BOLL: variants seen among roughly 807,000 people sequenced by gnomAD.
The protein encoded by BOLL is protein boule-like.
Under a neutral mutation model 44.4 loss-of-function variants are expected in BOLL, and 23 were observed. That is an observed-to-expected ratio of 0.52 (90% CI 0.37 to 0.73). The LOEUF (loss-of-function observed/expected upper bound fraction) is 0.73. Ranked by LOEUF, BOLL falls within the 30% of genes least tolerant of loss-of-function variation. The probability of loss-of-function intolerance (pLI) is 0.00; values close to 1 mark genes in which losing one functional copy is unlikely to be tolerated. For missense variants in BOLL, 287 were observed against 338.3 expected (o/e 0.85, Z 1.19); for synonymous variants, 97 against 110.8 (o/e 0.88, Z 0.78).
Position 197,781,711 on chromosome 2 carries a change from T to G in BOLL, c.129+11A>C. On this transcript the variant is annotated intron_variant, in intron 2 of 10. Coordinates refer to ENST00000392296, the MANE Select transcript of BOLL (RefSeq NM_033030.6). ...GAAAAAATACACTTTACTGCATGCA[T>G]AAATAGGTACCTTAAAATCAATTCC... 6.5e-7 allele frequency: 1 copy of G among 1,528,714 alleles called. No individual in the cohort carries two copies. Among genetic ancestry groups the G allele is most frequent in the African/African-American group, 1.4e-5 (1 of 73,884 alleles). The allele number at this position is 1,528,714 out of a possible 1,614,324, so 94.7% of individuals were successfully genotyped here.
intron 9 of BOLL, among the ~76,000 whole-genome samples, chr2:197,744,447 C>G (rs961155555): frequency 6.6e-6 from 1 of 152,116 alleles, no homozygotes; most frequent in African/African-American, 2.4e-5. Context: ...TACAATGTCT[C>G]TGAGAGGTCA....
At position 197,727,877 on chromosome 2, in the gene BOLL, G is replaced by A. The variant is rs1248484895; in HGVS notation, c.*678C>T. On this transcript the variant is annotated 3_prime_UTR_variant, in exon 11 of 11. Coordinates refer to ENST00000392296, the MANE Select transcript of BOLL (RefSeq NM_033030.6). The stretch of plus-strand genomic sequence containing the variant: ...AAAATTTAATATAGTCAAATTACAT[G>A]AAAAGGCAAGAATACTGATCATGTT... 1 of 152,194 alleles carries A rather than the reference G, an allele frequency of 6.6e-6. No individual in the cohort carries two copies. The highest frequency in any genetic ancestry group is 2.4e-5 in the African/African-American group (1 of 41,414). The allele number at this position is 152,194 out of a possible 1,614,324, so 9.4% of individuals were successfully genotyped here. A position where few individuals can be genotyped will look rare whatever the true frequency, so the allele number is the denominator to read the frequency against.
chr2:197,736,956 T>C (rs949058800), intron 10 of BOLL, among the ~76,000 whole-genome samples: 1 of 152,112 alleles, frequency 6.6e-6, no homozygotes, highest in Non-Finnish European at 1.5e-5. Context: ...ATTAAAAATA[T>C]CCCTCTCTAT....
intron 2 of BOLL, among the ~76,000 whole-genome samples, chr2:197,781,060 C>A (rs542771816): frequency 6.6e-6 from 1 of 151,906 alleles, no homozygotes; most frequent in Non-Finnish European, 1.5e-5. Flanking sequence ...TCGGGGTACA[C>A]GTGCAGATTT....
intron 10 of BOLL, among the ~76,000 whole-genome samples, chr2:197,740,017 T>A (rs1161440320): frequency 6.6e-6 from 1 of 152,206 alleles, no homozygotes; most frequent in Non-Finnish European, 1.5e-5. Context: ...GAAGATTTTC[T>A]AACAATACTA....
intron 6 of BOLL, among the ~76,000 whole-genome samples, chr2:197,767,684 C>T (rs981559813): frequency 6.6e-6 from 1 of 151,778 alleles, no homozygotes; most frequent in Non-Finnish European, 1.5e-5. Flanking sequence ...CTATGGGGAG[C>T]CTAGGGATAC....
intron 6 of BOLL, among the ~76,000 whole-genome samples, chr2:197,768,619 A>G (rs942132169): frequency 6.6e-6 from 1 of 151,706 alleles, no homozygotes; most frequent in African/African-American, 2.4e-5. Context: ...TCGATACATA[A>G]ATTCAAGATT....
chr2:197,778,622 A>C lies in BOLL; in HGVS notation c.221+353T>G, dbSNP rs973197286. Among the ~76,000 whole-genome samples the C allele has an allele frequency of 1.3e-4, 19 of 151,974 alleles. No individual in the cohort carries two copies. In the East Asian group the frequency reaches 3.7e-3, roughly 29 times the overall value. ...CAGCTGTTTTCAAATAAAGCTCTCT[A>C]TGGCCTAAAGCAGGGATACAATTCC... On this transcript the variant is annotated intron_variant, in intron 3 of 10. Transcript: ENST00000392296.
chr2:197,754,071 G>C (rs1002721272), intron 9 of BOLL, among the ~76,000 whole-genome samples: 1 of 152,168 alleles, frequency 6.6e-6, no homozygotes, highest in South Asian at 2.1e-4. Flanking sequence ...TCACTCATAA[G>C]TGGGAGTTGA....
chr2:197,742,799 A>G (rs949313023), intron 10 of BOLL, among the ~76,000 whole-genome samples: 1 of 152,108 alleles, frequency 6.6e-6, no homozygotes, highest in Non-Finnish European at 1.5e-5. Context: ...ATGTACCCTA[A>G]AACTTAAAGT....
rs1689196963 is a variant in BOLL at position 197,770,551 on chromosome 2, G to A, written c.480+1304C>T. On this transcript the variant is annotated intron_variant, in intron 6 of 10. Transcript: ENST00000392296. ...CAGCAAAAGAAACTGCCATCAGAGTGAACAGGCAACCTACAGAATGGGAGA... is the reference window on the plus strand; with the variant it reads ...CAGCAAAAGAAACTGCCATCAGAGTAAACAGGCAACCTACAGAATGGGAGA... Among the ~76,000 whole-genome samples the A allele has an allele frequency of 3.3e-5, 5 of 152,268 alleles. No homozygotes were observed. In the South Asian group the frequency reaches 1.0e-3, roughly 32 times the overall value.
intron 10 of BOLL, among the ~76,000 whole-genome samples, chr2:197,742,561 A>G (rs1687795559): frequency 6.6e-6 from 1 of 152,140 alleles, no homozygotes; most frequent in South Asian, 2.1e-4. Context: ...AACTATTGCA[A>G]GGACAAAAAA....
chr2:197,764,768 A>G (rs1574848389), intron 7 of BOLL, among the ~76,000 whole-genome samples: 1 of 152,280 alleles, frequency 6.6e-6, no homozygotes, highest in East Asian at 1.9e-4. Flanking sequence ...GAAGTGATGT[A>G]AATGTTGCAT....
intron 10 of BOLL, among the ~76,000 whole-genome samples, chr2:197,734,843 T>C (rs1248564526): frequency 1.3e-5 from 2 of 152,114 alleles, no homozygotes; most frequent in Non-Finnish European, 2.9e-5. Context: ...TTAGGAGATA[T>C]GCCTAATGCT....
intron 7 of BOLL, chr2:197,759,090 C>A (rs930846983): frequency 6.7e-6 from 7 of 1,050,204 alleles, no homozygotes; most frequent in African/African-American, 1.6e-5. Context: ...CTCCCCACCC[C>A]GCCACAAGAA....
At chr2:197,772,503 C>A (rs896671489) in intron 5 of BOLL, among the ~76,000 whole-genome samples, 2 of 151,942 alleles carry the variant, frequency 1.3e-5, no homozygotes, top group Non-Finnish European at 2.9e-5. Context: ...CTTTGGATAT[C>A]CTACCAGCAA....
intron 9 of BOLL, among the ~76,000 whole-genome samples, chr2:197,753,030 C>T (rs1209075888): frequency 6.6e-6 from 1 of 152,234 alleles, no homozygotes; most frequent in Non-Finnish European, 1.5e-5. Flanking sequence ...CTTTGACAAA[C>T]CTGACTAAAA....
At chr2:197,773,739 G>T (rs1403957100) in intron 5 of BOLL, among the ~76,000 whole-genome samples, 1 of 151,810 alleles carries the variant, frequency 6.6e-6, no homozygotes, top group Non-Finnish European at 1.5e-5. Flanking sequence ...GGAAAGAAAA[G>T]GGAAGAATAC....
At chr2:197,755,720 C>A (rs180812491) in intron 9 of BOLL, among the ~76,000 whole-genome samples, 130 of 152,184 alleles carry the variant, frequency 8.5e-4, no homozygotes, top group African/African-American at 3.0e-3. Flanking sequence ...CAGGGAGGGG[C>A]ACAACACACA....
Sources: allele counts gnomAD v4.1 joint callset (sites outside exome capture counted in the v4.1 genomes callset), GRCh38; gene constraint gnomAD v4.1.1; transcripts MANE v1.5; gene names NCBI Gene and HGNC (gene_info 2026-07-23, HGNC 2026-07-21).